WDR72: variants seen among roughly 807,000 people sequenced by gnomAD.
WDR72 encodes WD repeat-containing protein 72.
In WDR72, 120 loss-of-function variants were observed where a neutral mutation model predicts 124.2. The ratio of observed to expected loss-of-function variants is 0.97; its 90% CI spans 0.83 to 1.12. The LOEUF (loss-of-function observed/expected upper bound fraction) is 1.12. Ranked by LOEUF, WDR72 falls within the 50% of genes most tolerant of loss-of-function variation. The pLI, the probability that WDR72 is intolerant of heterozygous loss-of-function variation, is 0.00. For missense variants in WDR72, 1,387 were observed against 1,278.8 expected, an observed-to-expected ratio of 1.08 and a Z score of -1.29; for synonymous variants, 452 against 441.7, an observed-to-expected ratio of 1.02 and a Z score of -0.29.
intron 14 of WDR72, among the ~76,000 whole-genome samples, chr15:53,617,164 C>T (rs1224077914): frequency 6.6e-6 from 1 of 151,686 alleles, no homozygotes; most frequent in East Asian, 1.9e-4. Context: ...TGTTATTAGG[C>T]AGACAAAATA....
rs368993504 is a variant in WDR72, at chr15:53,550,155, T to C, written c.3149-26833A>G. Among the ~76,000 whole-genome samples, 14 of 152,312 alleles carry C rather than the reference T, an allele frequency of 9.2e-5. No individual in the cohort carries two copies. The South Asian group carries it at 2.7e-3, about 29-fold the overall frequency. ...GACACAGTCTGTGCCTTATGTTTGC[T>C]TCCCACTCTCATCAGTCTTGACCAG... is the stretch of plus-strand genomic sequence containing the variant. On this transcript the variant is annotated intron_variant, in intron 18 of 19. Transcript: ENST00000360509.
rs551992626 is a variant in WDR72, at chr15:53,685,052, C to T, written c.1765+14698G>A. On this transcript the variant is annotated intron_variant, in intron 13 of 19. Coordinates refer to ENST00000360509, the MANE Select transcript of WDR72 (RefSeq NM_182758.4). ...ACGGAAAGGACATCCACACCAAAAA[C>T]CCATCTGTACATCACCATCATCAAA... Among the ~76,000 whole-genome samples, 3 of 152,210 alleles carry T rather than the reference C, an allele frequency of 2.0e-5. No homozygotes were observed. The South Asian group carries it at 6.2e-4, about 32-fold the overall frequency.
At chr15:53,732,901 A>G (rs2018241964) in intron 2 of WDR72, 96 bp downstream of exon 2, 1 of 1,448,980 alleles carries the variant, frequency 6.9e-7, no homozygotes, top group Admixed American at 1.7e-5. Flanking sequence ...CTTTTTAACA[A>G]TCATGCAAAC....
intron 7 of WDR72, among the ~76,000 whole-genome samples, chr15:53,712,557 T>G (rs1200148376): frequency 6.6e-6 from 1 of 151,468 alleles, no homozygotes; most frequent in Non-Finnish European, 1.5e-5. Flanking sequence ...ATCGTGCCGC[T>G]GCACTCCAGC....
chr15:53,560,617 C>T (rs1409645119), intron 18 of WDR72, among the ~76,000 whole-genome samples: 2 of 151,680 alleles, frequency 1.3e-5, no homozygotes, highest in Non-Finnish European at 2.9e-5. Context: ...ATTTTGTGCT[C>T]TAAAATAGAG....
At chr15:53,518,668 G>A (rs917576030) in intron 19 of WDR72, among the ~76,000 whole-genome samples, 1 of 151,316 alleles carries the variant, frequency 6.6e-6, no homozygotes, top group Non-Finnish European at 1.5e-5. Context: ...TCTGCTTCAT[G>A]CATCATCATC....
At chr15:53,726,039 T>C (rs2018014352) in intron 2 of WDR72, among the ~76,000 whole-genome samples, 1 of 150,634 alleles carries the variant, frequency 6.6e-6, no homozygotes, top group Non-Finnish European at 1.5e-5. Flanking sequence ...ACCACTGCAC[T>C]ACAGCCTGGG....
chr15:53,702,019 G>A, intron 12 of WDR72, 115 bp downstream of exon 12: 2 of 687,702 alleles, frequency 2.9e-6, no homozygotes, highest in Non-Finnish European at 4.7e-6. Context: ...TAAGTACATA[G>A]AACTCATGTT....
At chr15:53,744,582 T>C (rs527774010) in intron 1 of WDR72, among the ~76,000 whole-genome samples, 5 of 152,322 alleles carry the variant, frequency 3.3e-5, no homozygotes, top group African/African-American at 7.2e-5. Flanking sequence ...TCCTAAACCA[T>C]AGGGCCTCTC....
intron 13 of WDR72, among the ~76,000 whole-genome samples, chr15:53,689,270 G>A (rs1169541491): frequency 5.3e-5 from 8 of 150,768 alleles, no homozygotes; most frequent in Non-Finnish European, 8.8e-5. Flanking sequence ...CCATCAGAGT[G>A]AGCAGGCAAC....
chr15:53,761,136 T>C (rs2019056211), upstream of WDR72, among the ~76,000 whole-genome samples: 2 of 151,750 alleles, frequency 1.3e-5, no homozygotes, highest in South Asian at 4.2e-4. Context: ...AATAAATAAA[T>C]AAATATAAAA....
At chr15:53,739,139 G>A (rs2018438071) in intron 1 of WDR72, among the ~76,000 whole-genome samples, 1 of 152,158 alleles carries the variant, frequency 6.6e-6, no homozygotes, top group East Asian at 1.9e-4. Context: ...TCATTTAACA[G>A]CTCATTTATA....
chr15:53,596,002 T>G, intron 18 of WDR72, among the ~76,000 whole-genome samples: 1 of 152,256 alleles, frequency 6.6e-6, no homozygotes, highest in South Asian at 2.1e-4. Context: ...TTCATTTCTC[T>G]CTACATAACA....
intron 16 of WDR72, among the ~76,000 whole-genome samples, chr15:53,612,486 GAAGGTCTAGGGA>G (rs935436473): frequency 3.3e-5 from 5 of 152,148 alleles, no homozygotes; most frequent in Admixed American, 2.6e-4. Flanking sequence ...TGAGCTATAT[GAAGGTCTAGGGA>G]AAGAACACCA....
At chr15:53,658,052 A>G (rs1433294656) in intron 14 of WDR72, among the ~76,000 whole-genome samples, 2 of 152,206 alleles carry the variant, frequency 1.3e-5, no homozygotes, top group East Asian at 3.8e-4. Flanking sequence ...GCTTTTTCAA[A>G]TCCTGCTCAG....
chr15:53,683,573 C>T (rs1450664954), intron 13 of WDR72, among the ~76,000 whole-genome samples: 2 of 152,034 alleles, frequency 1.3e-5, no homozygotes, highest in African/African-American at 4.8e-5. Context: ...CTGTCTTTGG[C>T]TACTATAAAT....
At chr15:53,684,507 TA>T in intron 13 of WDR72, 2 of 162,152 alleles carry the variant, frequency 1.2e-5, no homozygotes, top group Non-Finnish European at 2.6e-5. Context: ...CCGACGGGCT[TA>T]AAAAGCGGCG....
At chr15:53,655,373 A>C (rs1330749612) in intron 14 of WDR72, among the ~76,000 whole-genome samples, 1 of 152,182 alleles carries the variant, frequency 6.6e-6, no homozygotes, top group Non-Finnish European at 1.5e-5. Flanking sequence ...ATCATATAAT[A>C]AAAACTTTGT....
At chr15:53,639,747 A>C (rs990675355) in intron 14 of WDR72, among the ~76,000 whole-genome samples, 3 of 151,946 alleles carry the variant, frequency 2.0e-5, no homozygotes, top group African/African-American at 7.3e-5. Flanking sequence ...AAGTGCCCTA[A>C]CACCCATCTA....
Sources: allele counts gnomAD v4.1 joint callset (sites outside exome capture counted in the v4.1 genomes callset), GRCh38; gene constraint gnomAD v4.1.1; transcripts MANE v1.5; gene names NCBI Gene and HGNC (gene_info 2026-07-23, HGNC 2026-07-21).